Variants in HPRT1 observed in about 807,000 individuals in gnomAD.
HPRT1 encodes hypoxanthine phosphoribosyltransferase 1, also known as hypoxanthine-guanine phosphoribosyltransferase.
In HPRT1, 4 loss-of-function variants were observed where a neutral mutation model predicts 19.0. The ratio of observed to expected loss-of-function variants is 0.21; its 90% CI spans 0.10 to 0.48. The LOEUF is 0.48. Ranked by LOEUF, HPRT1 falls within the 20% of genes least tolerant of loss-of-function variation. The pLI is 0.98. For synonymous variants in HPRT1, 53 were observed against 54.9 expected, an observed-to-expected ratio of 0.97 and a Z score of 0.15; for missense variants, 65 against 164.0, an observed-to-expected ratio of 0.40 and a Z score of 3.30.
At chrX:134,462,459 G>A (rs1295846812) in intron 1 of HPRT1, among the ~76,000 whole-genome samples, 2 of 112,250 alleles carry the variant, frequency 1.8e-5, no homozygotes, top group Admixed American at 1.9e-4. Flanking sequence ...TGGGATTACA[G>A]GCGTGAGCCA....
chrX:134,461,179 C>T (rs2077583081), intron 1 of HPRT1, among the ~76,000 whole-genome samples: 2 of 111,363 alleles, frequency 1.8e-5, no homozygotes, highest in African/African-American at 3.3e-5. Flanking sequence ...AGTCAAAACC[C>T]CGGCCAGTTA....
Position 134,475,205 on chromosome X carries a change from G to A in HPRT1, c.159G>A (p.Val53=), listed in dbSNP as rs748568278. 13 of 1,205,033 alleles carry A rather than the reference G, an allele frequency of 1.1e-5. No individual in the cohort carries two copies. Among genetic ancestry groups the A allele is most frequent in the Non-Finnish European group, 1.5e-5 (13 of 889,556 alleles). ...MDRTERLARD[V]MKEMGGHHIV... ...GGACTGAACGTCTTGCTCGAGATGT[G>A]ATGAAGGAGATGGGAGGCCATCACA... Residue 53 remains valine (V), a synonymous_variant, in exon 3 of 9, where the codon GTG becomes GTA. Coordinates refer to ENST00000298556, the MANE Select transcript of HPRT1 (RefSeq NM_000194.3).
intron 3 of HPRT1, among the ~76,000 whole-genome samples, chrX:134,477,134 C>T (rs1424854683): frequency 9.5e-6 from 1 of 105,028 alleles, no homozygotes; most frequent in Non-Finnish European, 1.9e-5. Context: ...GATCGTAGCT[C>T]ACTGCAACCT....
At chrX:134,467,694 T>C (rs898089155) in intron 1 of HPRT1, among the ~76,000 whole-genome samples, 3 of 111,851 alleles carry the variant, frequency 2.7e-5, no homozygotes, top group African/African-American at 6.5e-5. Flanking sequence ...TTCCTATTTA[T>C]TGAATTATAC....
chrX:134,460,955 A>G (rs1016912894), intron 1 of HPRT1, among the ~76,000 whole-genome samples: 2 of 111,666 alleles, frequency 1.8e-5, no homozygotes, highest in African/African-American at 6.5e-5. Flanking sequence ...AGGTCATTTC[A>G]AGCCGAAATT....
chrX:134,467,248 G>A (rs897850440), intron 1 of HPRT1, among the ~76,000 whole-genome samples: 4 of 110,713 alleles, frequency 3.6e-5, no homozygotes, highest in African/African-American at 1.3e-4. Flanking sequence ...ACAGGGTTTC[G>A]CCATGTTGGC....
chrX:134,463,283 T>G (rs778739670), intron 1 of HPRT1, among the ~76,000 whole-genome samples: 1 of 111,879 alleles, frequency 8.9e-6, no homozygotes, highest in African/African-American at 3.2e-5. Context: ...GCTTTTAGAT[T>G]TTTGCAAATT....
At chrX:134,499,248 C>G (rs17882575) in intron 8 of HPRT1, among the ~76,000 whole-genome samples, 1,600 of 109,762 alleles carry the variant, frequency 0.015, 32 homozygotes, top group African/African-American at 0.051. Context: ...GGAGGCCAAG[C>G]CGGACAGATC....
At chrX:134,493,018 C>A (rs1243082972) in intron 5 of HPRT1, among the ~76,000 whole-genome samples, 1 of 111,439 alleles carries the variant, frequency 9.0e-6, no homozygotes, top group Non-Finnish European at 1.9e-5. Context: ...TTTTCCCTAA[C>A]AAAGATGGGT....
At chrX:134,465,895 C>T (rs913400451) in intron 1 of HPRT1, among the ~76,000 whole-genome samples, 3 of 111,673 alleles carry the variant, frequency 2.7e-5, no homozygotes, top group African/African-American at 9.8e-5. Flanking sequence ...GGGTTGAGCC[C>T]TTCCCCAAAG....
chrX:134,490,368 T>C (rs987186471), intron 5 of HPRT1, among the ~76,000 whole-genome samples, 163 bp downstream of exon 5: 2 of 109,745 alleles, frequency 1.8e-5, no homozygotes, highest in African/African-American at 6.6e-5. Context: ...TACTTAGTAA[T>C]TTGTTTTTAC....
chrX:134,492,285 T>G (rs1569358682), intron 5 of HPRT1, among the ~76,000 whole-genome samples: 2 of 109,886 alleles, frequency 1.8e-5, no homozygotes, highest in African/African-American at 6.6e-5. Context: ...TTTGCCATAT[T>G]TGCTTCTGAT....
At chrX:134,492,924 A>C (rs1001691197) in intron 5 of HPRT1, among the ~76,000 whole-genome samples, 7 of 111,727 alleles carry the variant, frequency 6.3e-5, no homozygotes, top group Non-Finnish European at 1.1e-4. Context: ...TCCAGCCATG[A>C]TGTTTCTGAT....
chrX:134,486,609 AAG>A, intron 4 of HPRT1, 79 bp downstream of exon 4: 1 of 601,898 alleles, frequency 1.7e-6, no homozygotes, highest in Non-Finnish European at 2.8e-6. Flanking sequence ...ATCAATCACT[AAG>A]AGATAATTTA....
Position 134,499,434 on chromosome X carries a change from C to T in HPRT1, c.610-596C>T, listed in dbSNP as rs564059140. ...CAGAGGCTACAGTGAGCCAACATCACGCCACTGCACTCCAGCCTGGGTGAC... is the reference window on the plus strand; with the variant it reads ...CAGAGGCTACAGTGAGCCAACATCATGCCACTGCACTCCAGCCTGGGTGAC... On this transcript the variant is annotated intron_variant, in intron 8 of 8. Transcript: ENST00000298556. Among the ~76,000 whole-genome samples, 98 of 109,034 alleles carry T rather than the reference C, an allele frequency of 9.0e-4. No homozygotes were observed. The South Asian group carries it at 0.026, about 29-fold the overall frequency. 94.7% of individuals were successfully genotyped at this position (109,034 alleles called of 115,157 possible).
At chrX:134,472,523 C>T (rs1342642368) in intron 1 of HPRT1, among the ~76,000 whole-genome samples, 1 of 111,884 alleles carries the variant, frequency 8.9e-6, no homozygotes, top group Non-Finnish European at 1.9e-5. Context: ...CTTCTACATT[C>T]TTGACTAAGA....
In HPRT1 at chrX:134,500,107, T is replaced by C; in HGVS notation, c.*30T>C. 1 of 1,028,521 alleles carries C rather than the reference T, an allele frequency of 9.7e-7. No homozygotes were observed. Among genetic ancestry groups the C allele is most frequent in the Non-Finnish European group, 1.4e-6 (1 of 727,937 alleles). The allele number at this position is 1,028,521 out of a possible 1,213,427, so 84.8% of individuals were successfully genotyped here. ...AGAGTTCAAGTTGAGTTTGGAAACA[T>C]CTGGAGTCCTATTGACATCGCCAGT... On this transcript the variant is annotated 3_prime_UTR_variant, in exon 9 of 9. Transcript: ENST00000298556.
At chrX:134,473,570 T>A in intron 2 of HPRT1, 105 bp downstream of exon 2, 1 of 517,996 alleles carries the variant, frequency 1.9e-6, no homozygotes. Context: ...TAGGCCAACT[T>A]ATTAAATAAC....
At chrX:134,486,041 C>G (rs1440448790) in intron 3 of HPRT1, among the ~76,000 whole-genome samples, 1 of 111,564 alleles carries the variant, frequency 9.0e-6, no homozygotes, top group Non-Finnish European at 1.9e-5. Context: ...CCAGCCCTTA[C>G]AATTTGCTTG....
Sources: gnomAD v4.1 joint callset for allele counts (sites outside exome capture counted in the v4.1 genomes callset) on GRCh38, gnomAD v4.1.1 for gene constraint, MANE v1.5 for transcripts, NCBI Gene and HGNC (gene_info 2026-07-23, HGNC 2026-07-21) for gene names.